The following OLFM3 variants were observed in gnomAD, a reference collection of about 807,000 sequenced individuals.
OLFM3 encodes the protein olfactomedin 3.
Under a neutral mutation model 48.6 loss-of-function variants are expected in OLFM3, and 20 were observed. The ratio of observed to expected loss-of-function variants is 0.41; its 90% CI spans 0.29 to 0.60. OLFM3 has a LOEUF of 0.60. Ranked by LOEUF, OLFM3 falls within the 20% of genes least tolerant of loss-of-function variation. OLFM3 has a pLI of 0.28. For synonymous variants in OLFM3, 222 were observed against 198.1 expected (o/e 1.12, Z -1.01); for missense variants, 437 against 544.3 (o/e 0.80, Z 1.96).
intron 3 of OLFM3, 38 bp downstream of exon 3, chr1:101,830,634 C>A: frequency 1.2e-6 from 2 of 1,611,298 alleles, no homozygotes; most frequent in Non-Finnish European, 1.7e-6. Flanking sequence ...CACTCCATGT[C>A]TGATTTGGAT....
intron 1 of OLFM3, among the ~76,000 whole-genome samples, chr1:101,933,064 T>C (rs1659500667): frequency 6.6e-6 from 1 of 151,704 alleles, no homozygotes. Flanking sequence ...TAGCCAGGCA[T>C]TGTGGCGGGC....
intron 1 of OLFM3, among the ~76,000 whole-genome samples, chr1:101,989,313 A>C (rs1557759496): frequency 6.6e-6 from 1 of 152,244 alleles, no homozygotes; most frequent in East Asian, 1.9e-4. Flanking sequence ...TTTTAAAGCA[A>C]AAAAGAATCA....
intron 1 of OLFM3, among the ~76,000 whole-genome samples, chr1:101,871,970 T>G (rs906548941): frequency 1.3e-5 from 2 of 152,084 alleles, no homozygotes; most frequent in Non-Finnish European, 2.9e-5. Flanking sequence ...GATCACAAAG[T>G]CAGCTACTCA....
chr1:101,974,807 A>G (rs1233727374), intron 1 of OLFM3, among the ~76,000 whole-genome samples: 3 of 152,170 alleles, frequency 2.0e-5, no homozygotes, highest in African/African-American at 7.2e-5. Flanking sequence ...ACTACAGTAT[A>G]AGCCCCATGT....
intron 1 of OLFM3, among the ~76,000 whole-genome samples, chr1:101,957,588 T>G (rs4907957): frequency 5.8e-4 from 88 of 152,048 alleles, no homozygotes; most frequent in Middle Eastern, 6.8e-3. Flanking sequence ...ATAATGTGCA[T>G]GATTGGTTAT....
intron 1 of OLFM3, among the ~76,000 whole-genome samples, chr1:101,966,546 C>T (rs771172466): frequency 1.3e-5 from 2 of 152,154 alleles, no homozygotes; most frequent in African/African-American, 2.4e-5. Context: ...CCTTCCAGCG[C>T]ACTGATTGAT....
chr1:101,964,522 C>T (rs140378241), intron 1 of OLFM3, among the ~76,000 whole-genome samples: 7 of 152,184 alleles, frequency 4.6e-5, no homozygotes, highest in African/African-American at 1.2e-4. Context: ...AATAAAGCCT[C>T]GTGTTTCTGT....
intron 1 of OLFM3, among the ~76,000 whole-genome samples, chr1:101,996,462 T>C (rs773300547): frequency 2.0e-5 from 3 of 152,206 alleles, no homozygotes; most frequent in Non-Finnish European, 4.4e-5. Flanking sequence ...ATTAAGCAGT[T>C]GGACACGGAA....
chr1:101,991,019 ATATATATAT>A (rs1661392146), intron 1 of OLFM3, among the ~76,000 whole-genome samples: 2 of 82,584 alleles, frequency 2.4e-5, no homozygotes, highest in African/African-American at 8.6e-5. Context: ...AAAAAAAAAT[ATATATATAT>A]ATATATATAT....
At chr1:101,877,915 A>G (rs1657366554) in intron 1 of OLFM3, among the ~76,000 whole-genome samples, 1 of 151,756 alleles carries the variant, frequency 6.6e-6, no homozygotes, top group Non-Finnish European at 1.5e-5. Context: ...AGTTTGCTAG[A>G]TAAGTTTTTT....
intron 1 of OLFM3, chr1:101,893,536 C>T (rs1658083128): frequency 1.1e-5 from 3 of 283,180 alleles, no homozygotes; most frequent in Non-Finnish European, 2.2e-5. Context: ...GGACTGGAGC[C>T]AGGAGATATT....
chr1:101,987,111 A>T (rs1428951882), intron 1 of OLFM3, among the ~76,000 whole-genome samples: 2 of 152,164 alleles, frequency 1.3e-5, no homozygotes, highest in Admixed American at 1.3e-4. Context: ...ATGGAGTCTT[A>T]CCTTGATTTG....
At chr1:101,813,613 T>C (rs150140898) in intron 4 of OLFM3, among the ~76,000 whole-genome samples, 2 of 152,222 alleles carry the variant, frequency 1.3e-5, no homozygotes, top group African/African-American at 4.8e-5. Flanking sequence ...GAAGGTCTTA[T>C]GAACACTTAT....
chr1:101,841,042 T>C (rs1655694280), intron 1 of OLFM3, among the ~76,000 whole-genome samples: 1 of 152,218 alleles, frequency 6.6e-6, no homozygotes, highest in East Asian at 1.9e-4. Flanking sequence ...TTTTAACAAT[T>C]GTATTACAAA....
intron 1 of OLFM3, among the ~76,000 whole-genome samples, chr1:101,977,255 C>T (rs1660981684): frequency 6.6e-6 from 1 of 152,150 alleles, no homozygotes; most frequent in Non-Finnish European, 1.5e-5. Flanking sequence ...AAACTTTTCA[C>T]ATGATTATTA....
chr1:101,965,257 GA>G (rs1446076197), intron 1 of OLFM3, among the ~76,000 whole-genome samples: 1 of 152,132 alleles, frequency 6.6e-6, no homozygotes, highest in Non-Finnish European at 1.5e-5. Context: ...AGGCTAACGG[GA>G]ACTAACCTTC....
Position 101,811,044 on chromosome 1 carries a change from A to T in OLFM3, c.593-4862T>A, listed in dbSNP as rs12084662. On this transcript the variant is annotated intron_variant, in intron 4 of 5. Coordinates refer to ENST00000370103, the MANE Select transcript of OLFM3 (RefSeq NM_058170.4). ...TTAGTCTAAAACTTAAAAATATTTT[A>T]AAAATGTGAATGATTTTTATTATTA... Among the ~76,000 whole-genome samples the T allele has an allele frequency of 5.7e-3, 870 of 152,024 alleles. 10 individuals carry two copies. Among genetic ancestry groups the T allele is most frequent in the African/African-American group, 0.02 (812 of 41,518 alleles).
At chr1:101,807,006 TAA>T (rs967614352) in intron 4 of OLFM3, among the ~76,000 whole-genome samples, 1 of 151,804 alleles carries the variant, frequency 6.6e-6, no homozygotes, top group African/African-American at 2.4e-5. Context: ...TGTGAGATTT[TAA>T]AAAAAGATTA....
At chr1:101,811,151 G>A (rs531602165) in intron 4 of OLFM3, among the ~76,000 whole-genome samples, 2 of 151,966 alleles carry the variant, frequency 1.3e-5, no homozygotes, top group South Asian at 2.1e-4. Context: ...ACAATGTCTC[G>A]AATATGAAAC....
Sources: allele counts gnomAD v4.1 joint callset (sites outside exome capture counted in the v4.1 genomes callset), GRCh38; gene constraint gnomAD v4.1.1; transcripts MANE v1.5; gene names NCBI Gene and HGNC (gene_info 2026-07-23, HGNC 2026-07-21).